Variants in ADGRG3 observed in about 807,000 individuals in gnomAD.
ADGRG3 encodes G protein-coupled receptor 97.
A neutral mutation model predicts 54.3 loss-of-function variants in ADGRG3; 39 were observed. The ratio of observed to expected loss-of-function variants is 0.72; its 90% CI spans 0.56 to 0.94. The LOEUF is 0.94. Among genes scored for constraint, ADGRG3 ranks in the 40% least tolerant of loss-of-function variants. The probability of loss-of-function intolerance (pLI) is 0.00; values close to 1 mark genes in which losing one functional copy is unlikely to be tolerated. For synonymous variants in ADGRG3, 312 were observed against 290.0 expected, an observed-to-expected ratio of 1.08 and a Z score of -0.77; for missense variants, 654 against 694.6, an observed-to-expected ratio of 0.94 and a Z score of 0.66.
chr16:57,666,232 G>A (rs1401422598), upstream of ADGRG3, among the ~76,000 whole-genome samples: 2 of 152,126 alleles, frequency 1.3e-5, no homozygotes, highest in Non-Finnish European at 2.9e-5. Context: ...GAATGGGGGG[G>A]AAATGACCCA....
intron 11 of ADGRG3, among the ~76,000 whole-genome samples, chr16:57,686,979 C>G (rs2048484948): frequency 6.6e-6 from 1 of 152,226 alleles, no homozygotes; most frequent in Non-Finnish European, 1.5e-5. Context: ...GCATCACAGT[C>G]TGACTGTGAG....
In ADGRG3 at chr16:57,684,110, A is replaced by ACTACTT. The variant is rs1188068025; in HGVS notation, c.1061_1062insTACTTC (p.Thr354_Trp355insThrSer). 1.2e-6 allele frequency: 2 copies of ACTACTT among 1,613,692 alleles called. No homozygotes were observed. The highest frequency in any genetic ancestry group is 1.7e-6 in the Non-Finnish European group (2 of 1,179,942). On this transcript the variant is annotated inframe_insertion, in exon 9 of 12. Coordinates refer to ENST00000333493, the MANE Select transcript of ADGRG3 (RefSeq NM_170776.5). The stretch of plus-strand genomic sequence containing the variant: ...CCACTACTTCCTGCTCTGTGCCTTC[A>ACTACTT]CCTGGATGGGCCTTGAAGCCTTCCA...
intron 8 of ADGRG3, among the ~76,000 whole-genome samples, chr16:57,681,597 G>A (rs922395896): frequency 2.6e-5 from 4 of 151,782 alleles, no homozygotes; most frequent in Non-Finnish European, 4.4e-5. Flanking sequence ...GTGGTGGTGC[G>A]CGCCTGTAAT....
chr16:57,680,231 C>T (rs543098375), intron 6 of ADGRG3, 34 bp from the exon 7 acceptor site: 5 of 962,744 alleles, frequency 5.2e-6, no homozygotes, highest in East Asian at 4.5e-5. Flanking sequence ...TCCCTATATT[C>T]CCTTTCCCTC....
At chr16:57,667,028 C>T (rs1169065056), upstream of ADGRG3, among the ~76,000 whole-genome samples, 1 of 152,214 alleles carries the variant, frequency 6.6e-6, no homozygotes, top group Non-Finnish European at 1.5e-5. Context: ...CATTCATCTG[C>T]CTTCGCAGCC....
chr16:57,680,266 G>T lies in ADGRG3; in HGVS notation c.669G>T (p.Gly223=). 1 of 1,600,766 alleles carries T rather than the reference G, an allele frequency of 6.2e-7. No homozygotes were observed. The highest frequency in any genetic ancestry group is 8.5e-7 in the Non-Finnish European group (1 of 1,171,848). Residue 223 remains glycine (G), a splice_region_variant and synonymous_variant, in exon 7 of 12, where the codon GGG becomes GGT. Transcript: ENST00000333493. ...CTGTTCCCCTGGCCTCCTCTCCAGG[G>T]ACCACTGGAGACTGGTCTTCTGAGG... is the stretch of plus-strand genomic sequence containing the variant. ...LTCVFWDVTK[G]TTGDWSSEGC...
At chr16:57,685,957 C>A in intron 11 of ADGRG3, 31 bp downstream of exon 11, 1 of 1,604,906 alleles carries the variant, frequency 6.2e-7, no homozygotes. Flanking sequence ...AGGTGATGGG[C>A]TGTGTTGTCT....
At chr16:57,680,015 TCCCC>T (rs1228547723) in intron 6 of ADGRG3, among the ~76,000 whole-genome samples, 160 bp downstream of exon 6, 16 of 20,640 alleles carry the variant, frequency 7.8e-4, no homozygotes, top group East Asian at 2.2e-3. Context: ...TCCCCTCCCC[TCCCC>T]CCCCTCCTCA....
chr16:57,668,175 C>T (rs546323359), upstream of ADGRG3: 120 of 613,422 alleles, frequency 2.0e-4, no homozygotes, highest in African/African-American at 1.6e-3. Context: ...CAGTTCCCCA[C>T]ACTCACCTTT....
upstream of ADGRG3, among the ~76,000 whole-genome samples, chr16:57,666,748 C>T (rs2048067646): frequency 1.3e-5 from 2 of 152,192 alleles, no homozygotes; most frequent in Non-Finnish European, 2.9e-5. Flanking sequence ...CTCCTTCCAG[C>T]CCTGCCTGAC....
chr16:57,671,171 C>G (rs1381815507), intron 1 of ADGRG3, among the ~76,000 whole-genome samples: 1 of 152,090 alleles, frequency 6.6e-6, no homozygotes, highest in Non-Finnish European at 1.5e-5. Flanking sequence ...CTCAGACTAG[C>G]AAAAATCCAA....
intron 8 of ADGRG3, among the ~76,000 whole-genome samples, chr16:57,681,384 G>A (rs1460259810): frequency 3.9e-5 from 4 of 103,554 alleles, no homozygotes; most frequent in South Asian, 5.0e-4. Context: ...GTGCGCGCGT[G>A]CGTGCGCGCA....
Position 57,678,810 on chromosome 16 carries a change from A to G in ADGRG3, c.493-367A>G, listed in dbSNP as rs117028768. ...TGCTCCCCCCACCAGCCTCCTTTCTACCGAATGCACACTCACGCTAAGACC... is the reference window on the plus strand; with the variant it reads ...TGCTCCCCCCACCAGCCTCCTTTCTGCCGAATGCACACTCACGCTAAGACC... On this transcript the variant is annotated intron_variant, in intron 4 of 11. Coordinates refer to ENST00000333493, the MANE Select transcript of ADGRG3 (RefSeq NM_170776.5). The G allele has an allele frequency of 8.9e-3, 2,954 of 330,602 alleles. 123 individuals are homozygous for G. The East Asian group carries it at 0.099, about 11-fold the overall frequency. 20.5% of individuals were successfully genotyped at this position (330,602 alleles called of 1,614,324 possible).
chr16:57,684,740 T>C (rs1233205612), intron 10 of ADGRG3, among the ~76,000 whole-genome samples: 3 of 152,138 alleles, frequency 2.0e-5, no homozygotes, highest in African/African-American at 7.2e-5. Context: ...ATGCCTTACT[T>C]GAGCCTGGGC....
rs78104054 is a variant in ADGRG3 at position 57,685,835 on chromosome 16, G to A, written c.1449G>A (p.Ser483=). 7.0e-3 allele frequency: 11,264 copies of A among 1,614,120 alleles called. 706 individuals carry two copies. In the African/African-American group the frequency reaches 0.13, roughly 19 times the overall value. The part of the protein sequence containing the change: ...RKKVLTLLGL[S]SLVGVTWGLA... Reference sequence around the variant, plus strand: ...AGGTGCTCACCCTGCTGGGCCTCTCGAGCCTGGTGGGTGTGACATGGGGGT... The same window carrying A: ...AGGTGCTCACCCTGCTGGGCCTCTCAAGCCTGGTGGGTGTGACATGGGGGT... The change falls in exon 11 of 12, where the codon TCG becomes TCA. Residue 483 remains serine (S), a synonymous_variant. Transcript: ENST00000333493.
intron 1 of ADGRG3, among the ~76,000 whole-genome samples, chr16:57,670,645 T>C (rs1469508112): frequency 6.6e-6 from 1 of 152,154 alleles, no homozygotes; most frequent in Non-Finnish European, 1.5e-5. Context: ...TCATTTCCCA[T>C]TAAACAATGC....
Position 57,680,399 on chromosome 16 carries a change from C to T in ADGRG3, c.768+34C>T, listed in dbSNP as rs201558374. 39 of 1,585,794 alleles carry T rather than the reference C, an allele frequency of 2.5e-5. No homozygotes were observed. In the East Asian group the frequency reaches 8.7e-4, roughly 36 times the overall value. Reference sequence around the variant, plus strand: ...CCCCTCCACTCTGATCCCAGCCATCCCAGGGGCTTCCAGCTCCTGCCCTGG... The same window carrying T: ...CCCCTCCACTCTGATCCCAGCCATCTCAGGGGCTTCCAGCTCCTGCCCTGG... On this transcript the variant is annotated intron_variant, in intron 7 of 11. Transcript: ENST00000333493.
intron 10 of ADGRG3, among the ~76,000 whole-genome samples, chr16:57,684,790 A>T (rs961758594): frequency 6.6e-5 from 10 of 152,156 alleles, no homozygotes; most frequent in African/African-American, 2.2e-4. Flanking sequence ...AAAGTAAAGA[A>T]GGTCACCCCG....
At chr16:57,666,576 T>G (rs150386314), upstream of ADGRG3, among the ~76,000 whole-genome samples, 2 of 152,140 alleles carry the variant, frequency 1.3e-5, no homozygotes, top group Non-Finnish European at 2.9e-5. Flanking sequence ...CCCTGCCCAC[T>G]GGAGCCATTG....
Sources: gnomAD v4.1 joint callset for allele counts (sites outside exome capture counted in the v4.1 genomes callset) on GRCh38, gnomAD v4.1.1 for gene constraint, MANE v1.5 for transcripts, NCBI Gene and HGNC (gene_info 2026-07-23, HGNC 2026-07-21) for gene names.